The following MGMT variants were observed in gnomAD, a reference collection of about 807,000 sequenced individuals.
MGMT encodes O-6-methylguanine-DNA methyltransferase, also known as methylated-DNA--protein-cysteine methyltransferase.
Under a neutral mutation model 15.9 loss-of-function variants are expected in MGMT, and 14 were observed. That is an observed-to-expected ratio of 0.88 (90% CI 0.58 to 1.37). The LOEUF (loss-of-function observed/expected upper bound fraction) is 1.37, where lower values mean the gene tolerates loss of function less well. Ranked by LOEUF, MGMT falls within the 40% of genes most tolerant of loss-of-function variation. The pLI is 0.00. For synonymous variants in MGMT, 130 were observed against 118.2 expected (o/e 1.10, Z -0.65); for missense variants, 282 against 268.1 (o/e 1.05, Z -0.36).
intron 3 of MGMT, among the ~76,000 whole-genome samples, chr10:129,737,124 A>C (rs1402194846): frequency 3.3e-5 from 5 of 152,152 alleles, no homozygotes; most frequent in African/African-American, 9.7e-5. Flanking sequence ...AGATTGGGGA[A>C]GTTCTCCTGG....
chr10:129,749,766 T>C (rs78985685), intron 3 of MGMT, among the ~76,000 whole-genome samples: 1,869 of 152,314 alleles, frequency 0.012, 12 homozygotes, highest in Non-Finnish European at 0.019. Flanking sequence ...TTGCTCCACA[T>C]CCTTGCCAGC....
At chr10:129,633,549 A>G (rs1847234620) in intron 2 of MGMT, among the ~76,000 whole-genome samples, 1 of 152,180 alleles carries the variant, frequency 6.6e-6, no homozygotes, top group South Asian at 2.1e-4. Context: ...TAGTTATATT[A>G]CTTTTTAAAA....
rs1845905105 is a variant in MGMT, at chr10:129,529,341, G to T, written c.-12-6900G>T. On this transcript the variant is annotated intron_variant, in intron 1 of 4. Coordinates refer to ENST00000651593, the MANE Select transcript of MGMT (RefSeq NM_002412.5). ...ACTTTTCCACAGATGGGAGTGGGGG[G>T]ATGGTTTGGGGATGAAACTGTTCCA... is the stretch of plus-strand genomic sequence containing the variant. 2.6e-5 allele frequency among the ~76,000 whole-genome samples: 4 copies of T among 152,096 alleles called. No homozygotes were observed. The South Asian group carries it at 8.3e-4, about 32-fold the overall frequency.
chr10:129,606,038 C>T (rs1357137785), intron 2 of MGMT, among the ~76,000 whole-genome samples: 2 of 152,184 alleles, frequency 1.3e-5, no homozygotes, highest in Non-Finnish European at 2.9e-5. Flanking sequence ...GCACCCAAAA[C>T]TCTAGGGGAC....
Position 129,657,648 on chromosome 10 carries a change from G to C in MGMT, c.126-50247G>C, listed in dbSNP as rs576057725. 1.0e-4 allele frequency among the ~76,000 whole-genome samples: 15 copies of C among 149,114 alleles called. No individual in the cohort carries two copies. The South Asian group carries it at 1.9e-3, about 19-fold the overall frequency. ...GCCTGGAGGAGGAGCTGGAGCTGGG[G>C]GGGGGACAGGCTGGCCAGCTCCTCC... is the stretch of plus-strand genomic sequence containing the variant. On this transcript the variant is annotated intron_variant, in intron 2 of 4. Coordinates refer to ENST00000651593, the MANE Select transcript of MGMT (RefSeq NM_002412.5).
chr10:129,693,764 G>C (rs1038113718), intron 2 of MGMT: 1 of 152,304 alleles, frequency 6.6e-6, no homozygotes, highest in Non-Finnish European at 1.5e-5. Context: ...TTAGCAGGGT[G>C]TGGTGGCGCA....
intron 1 of MGMT, among the ~76,000 whole-genome samples, chr10:129,484,498 G>T (rs1485712610): frequency 6.6e-6 from 1 of 151,994 alleles, no homozygotes; most frequent in Non-Finnish European, 1.5e-5. Flanking sequence ...TCATATGTGG[G>T]TTCTCCTCTA....
chr10:129,510,145 G>T (rs1845665920), intron 1 of MGMT, among the ~76,000 whole-genome samples: 1 of 152,202 alleles, frequency 6.6e-6, no homozygotes, highest in Non-Finnish European at 1.5e-5. Flanking sequence ...GTTGCCAGGT[G>T]GGGGCATCTA....
chr10:129,559,869 A>G (rs1249061342), intron 2 of MGMT, among the ~76,000 whole-genome samples: 1 of 152,212 alleles, frequency 6.6e-6, no homozygotes. Flanking sequence ...TTGAAAGGAC[A>G]CAGAATTTTA....
rs142005321 is a variant in MGMT, at chr10:129,511,475, C to T, written c.-12-24766C>T. Among the ~76,000 whole-genome samples the T allele has an allele frequency of 1.8e-3, 272 of 148,490 alleles. 1 individual carries two copies. The highest frequency in any genetic ancestry group is 7.2e-3 in the Middle Eastern group (2 of 276). On this transcript the variant is annotated intron_variant, in intron 1 of 4. Transcript: ENST00000651593. ...TGTGATGGGAACCCCGTATACCAGACGCAGCCACGTGCTTCTTGTAATGGG... is the reference window on the plus strand; with the variant it reads ...TGTGATGGGAACCCCGTATACCAGATGCAGCCACGTGCTTCTTGTAATGGG...
Sources: allele counts gnomAD v4.1 joint callset (sites outside exome capture counted in the v4.1 genomes callset), GRCh38; gene constraint gnomAD v4.1.1; transcripts MANE v1.5; gene names NCBI Gene and HGNC (gene_info 2026-07-23, HGNC 2026-07-21).